DAB1: variants seen among roughly 807,000 people sequenced by gnomAD.
The protein encoded by DAB1 is disabled homolog 1.
A neutral mutation model predicts 64.6 loss-of-function variants in DAB1; 15 were observed. That is an observed-to-expected ratio of 0.23 (90% CI 0.16 to 0.36). The LOEUF (loss-of-function observed/expected upper bound fraction) is 0.36, where lower values mean the gene tolerates loss of function less well. Among genes scored for constraint, DAB1 ranks in the 10% least tolerant of loss-of-function variants. DAB1 has a pLI of 1.00. For missense variants in DAB1, 596 were observed against 706.7 expected (o/e 0.84, Z 1.78); for synonymous variants, 235 against 251.9 (o/e 0.93, Z 0.64).
intron 4 of DAB1, among the ~76,000 whole-genome samples, chr1:58,220,137 T>A (rs1052574247): frequency 6.6e-6 from 1 of 152,238 alleles, no homozygotes; most frequent in Non-Finnish European, 1.5e-5. Context: ...AGCTGTCTCC[T>A]GGAATGGTAA....
rs190522550 is a variant in DAB1, at chr1:57,689,156, T to C, written n.552-39491A>G. 7.9e-5 allele frequency among the ~76,000 whole-genome samples: 12 copies of C among 152,274 alleles called. 1 individual carries two copies. In the East Asian group the frequency reaches 1.3e-3, roughly 17 times the overall value. ...ATTCCTTCCCAGCTAATTAAATGGA[T>C]AGATTTAGAATAGGCAGGGACTCAG... On this transcript the variant is annotated intron_variant and non_coding_transcript_variant, in intron 6 of 20. Coordinates refer to the DAB1 transcript ENST00000485760.
chr1:57,917,332 G>A (rs151067353), intron 5 of DAB1, among the ~76,000 whole-genome samples: 12 of 152,266 alleles, frequency 7.9e-5, no homozygotes, highest in Non-Finnish European at 1.3e-4. Context: ...GGTGTCAGCC[G>A]ACTGTACTTT....
chr1:57,314,601 T>C (rs546354485), intron 1 of DAB1, among the ~76,000 whole-genome samples: 1 of 152,018 alleles, frequency 6.6e-6, no homozygotes, highest in Non-Finnish European at 1.5e-5. Flanking sequence ...ACGCTCTATC[T>C]CGTAAGGATG....
chr1:58,324,387 T>C (rs927898536), intron 4 of DAB1, among the ~76,000 whole-genome samples: 37 of 152,166 alleles, frequency 2.4e-4, no homozygotes, highest in Non-Finnish European at 4.3e-4. Flanking sequence ...CTCTTCGAGT[T>C]TTTCTCATCA....
At chr1:57,706,544 C>T (rs976504614) in intron 6 of DAB1, among the ~76,000 whole-genome samples, 2 of 151,968 alleles carry the variant, frequency 1.3e-5, no homozygotes, top group African/African-American at 4.8e-5. Context: ...GTCTCGAATT[C>T]CTGCAAGTGA....
intron 7 of DAB1, among the ~76,000 whole-genome samples, chr1:57,598,639 G>A (rs920856837): frequency 6.6e-6 from 1 of 152,182 alleles, no homozygotes; most frequent in African/African-American, 2.4e-5. Context: ...CTAGCAGGGA[G>A]GCTGGTGGGC....
intron 1 of DAB1, among the ~76,000 whole-genome samples, chr1:57,354,522 G>A (rs1678900698): frequency 6.6e-6 from 1 of 152,134 alleles, no homozygotes; most frequent in Admixed American, 6.5e-5. Flanking sequence ...ATCAGTTGCT[G>A]TTGGGTTGAG....
intron 5 of DAB1, among the ~76,000 whole-genome samples, chr1:57,904,850 T>A (rs1405283207): frequency 6.6e-6 from 1 of 152,172 alleles, no homozygotes; most frequent in Non-Finnish European, 1.5e-5. Context: ...CCTTTAGCCA[T>A]CGTAATCTGT....
intron 2 of DAB1, among the ~76,000 whole-genome samples, chr1:57,247,849 GA>G (rs1203515570): frequency 6.6e-6 from 1 of 152,194 alleles, no homozygotes; most frequent in African/African-American, 2.4e-5. Context: ...CCAGCCCCAT[GA>G]AAACCTTGGA....
rs141557287 is a variant in DAB1, at chr1:57,348,754, T to C, written c.-136-57588A>G. Among the ~76,000 whole-genome samples the C allele has an allele frequency of 3.3e-5, 5 of 152,218 alleles. No homozygotes were observed. In the East Asian group the frequency reaches 7.8e-4, roughly 24 times the overall value. ...TACCTTCTGCCTGACTCTAACCAAC[T>C]ACACAAAGTCTGAGCCATGTCACTT... On this transcript the variant is annotated intron_variant, in intron 1 of 14. Transcript: ENST00000371236.
chr1:57,061,463 G>T lies in DAB1; in HGVS notation c.723+1421C>A, dbSNP rs1650393268. On this transcript the variant is annotated intron_variant, in intron 9 of 14. Coordinates refer to ENST00000371236, the MANE Select transcript of DAB1 (RefSeq NM_001365792.1). ...CGCCCTGGTAATCTTTCTGACAAGT[G>T]GTCTGCAAGTCTTGTTTGCATAGCT... Among the ~76,000 whole-genome samples, 3 of 152,272 alleles carry T rather than the reference G, an allele frequency of 2.0e-5. No homozygotes were observed. The South Asian group carries it at 6.2e-4, about 32-fold the overall frequency.
chr1:58,062,963 T>C (rs1255637170), intron 5 of DAB1, among the ~76,000 whole-genome samples: 2 of 152,288 alleles, frequency 1.3e-5, no homozygotes, highest in East Asian at 3.9e-4. Flanking sequence ...ATAACTCTGA[T>C]TTATCAACCA....
chr1:57,489,896 C>T (rs1644140683), intron 7 of DAB1, among the ~76,000 whole-genome samples: 2 of 152,196 alleles, frequency 1.3e-5, no homozygotes, highest in Non-Finnish European at 2.9e-5. Context: ...CTCTGTTAAA[C>T]TCATACGTTG....
intron 7 of DAB1, among the ~76,000 whole-genome samples, chr1:57,600,435 T>C (rs1645563584): frequency 6.6e-6 from 1 of 152,196 alleles, no homozygotes; most frequent in African/African-American, 2.4e-5. Context: ...CCAGCCTTTC[T>C]AGAACAAAGC....
At chr1:57,822,375 G>A (rs1652160605), downstream of DAB1, among the ~76,000 whole-genome samples, 3 of 152,064 alleles carry the variant, frequency 2.0e-5, no homozygotes, top group Admixed American at 2.0e-4. Flanking sequence ...ACAGAGCTGA[G>A]ATCCTTGCCA....
chr1:57,863,365 T>A (rs149019298), intron 1 of DAB1: 1 of 152,270 alleles, frequency 6.6e-6, no homozygotes, highest in Non-Finnish European at 1.5e-5. Context: ...GTAGTGATGG[T>A]TTCACAGGTG....
At chr1:57,521,961 A>G (rs1644532264) in intron 7 of DAB1, among the ~76,000 whole-genome samples, 1 of 152,116 alleles carries the variant, frequency 6.6e-6, no homozygotes, top group South Asian at 2.1e-4. Flanking sequence ...AATATAAAAA[A>G]TAGCTGGGCA....
chr1:57,086,059 T>C (rs1653043174), intron 4 of DAB1, among the ~76,000 whole-genome samples: 1 of 152,160 alleles, frequency 6.6e-6, no homozygotes, highest in Non-Finnish European at 1.5e-5. Context: ...TGCTGGGCAG[T>C]GAGTGACAGT....
At chr1:58,016,663 C>T (rs1414457303) in intron 5 of DAB1, among the ~76,000 whole-genome samples, 1 of 152,094 alleles carries the variant, frequency 6.6e-6, no homozygotes, top group African/African-American at 2.4e-5. Flanking sequence ...CTAAAAAGCC[C>T]TGAACGACCT....
Sources: allele counts gnomAD v4.1 joint callset (sites outside exome capture counted in the v4.1 genomes callset), GRCh38; gene constraint gnomAD v4.1.1; transcripts MANE v1.5; gene names NCBI Gene and HGNC (gene_info 2026-07-23, HGNC 2026-07-21).